VDR: variants seen among roughly 807,000 people sequenced by gnomAD.
VDR encodes vitamin D receptor.
A neutral mutation model predicts 39.7 loss-of-function variants in VDR; 19 were observed. The observed-to-expected ratio is 0.48, with a 90% confidence interval of 0.33 to 0.70. The LOEUF is 0.70. Among genes scored for constraint, VDR ranks in the 30% least tolerant of loss-of-function variants. The pLI is 0.02. For missense variants in VDR, 442 were observed against 570.5 expected (o/e 0.77, Z 2.29); for synonymous variants, 242 against 215.8 (o/e 1.12, Z -1.07).
At chr12:47,856,618 T>TC (rs1172330795) in intron 6 of VDR, among the ~76,000 whole-genome samples, 6 of 149,540 alleles carry the variant, frequency 4.0e-5, no homozygotes, top group African/African-American at 1.5e-4. Flanking sequence ...ATATGTGTTT[T>TC]TTTTAAAAAA....
intron 1 of VDR, among the ~76,000 whole-genome samples, chr12:47,890,379 A>ATATATATTATGTATGTAATATATATTT (rs1946346546): frequency 8.9e-6 from 1 of 111,916 alleles, no homozygotes; most frequent in African/African-American, 1.0e-4. Context: ...TATATATTTT[A>ATATATATTATGTATGTAATATATATTT]TATATATATA....
chr12:47,886,544 A>G (rs1946257924), intron 1 of VDR, among the ~76,000 whole-genome samples: 1 of 152,230 alleles, frequency 6.6e-6, no homozygotes. Context: ...CTGTATAAAT[A>G]GAACATATCC....
chr12:47,870,693 C>G (rs577400247), intron 3 of VDR, among the ~76,000 whole-genome samples: 1 of 152,180 alleles, frequency 6.6e-6, no homozygotes, highest in East Asian at 1.9e-4. Flanking sequence ...CAGAGACGCA[C>G]GTTGCATAAC....
chr12:47,844,484 G>T lies in VDR; in HGVS notation c.*262C>A, dbSNP rs1945233457. The T allele has an allele frequency of 6.8e-6, 4 of 589,730 alleles. No individual in the cohort carries two copies. In the Admixed American group the frequency reaches 1.2e-4, roughly 18 times the overall value. The allele number at this position is 589,730 out of a possible 1,614,324, so 36.5% of individuals were successfully genotyped here. ...GGGCAAGGCCCTGCCTCCAGCCTCT[G>T]CCCTCTGCCCCCACTTGGGTTTCTT... is the stretch of plus-strand genomic sequence containing the variant. On this transcript the variant is annotated 3_prime_UTR_variant, in exon 10 of 10. Coordinates refer to ENST00000549336, the MANE Select transcript of VDR (RefSeq NM_000376.3).
chr12:47,878,077 C>T (rs1420276358), intron 3 of VDR, among the ~76,000 whole-genome samples: 1 of 152,204 alleles, frequency 6.6e-6, no homozygotes, highest in Non-Finnish European at 1.5e-5. Flanking sequence ...TAGACAACAA[C>T]CAAGCCGACC....
Position 47,857,549 on chromosome 12 carries a change from G to A in VDR, c.417C>T (p.His139=), listed in dbSNP as rs763410148. ...QRIIAILLDA[H]HKTYDPTYSD... is the part of the protein sequence containing the mutation. ...AGTAGGTGGGGTCGTAGGTCTTATG[G>A]TGGGCGTCCAGCAGTATGGCAATGA... Residue 139 remains histidine (H), a synonymous_variant, in exon 5 of 10, where the codon CAC becomes CAT. Transcript: ENST00000549336. The A allele has an allele frequency of 2.5e-6, 4 of 1,614,196 alleles. No individual in the cohort carries two copies. The highest frequency in any genetic ancestry group is 1.7e-6 in the Non-Finnish European group (2 of 1,180,046).
chr12:47,869,400 T>G (rs1018889457), intron 3 of VDR, among the ~76,000 whole-genome samples: 70 of 151,874 alleles, frequency 4.6e-4, no homozygotes, highest in African/African-American at 1.4e-3. Context: ...GCCGGGCGTG[T>G]TGGCGGGCGC....
At chr12:47,891,432 G>A (rs984445614) in intron 1 of VDR, among the ~76,000 whole-genome samples, 10 of 152,278 alleles carry the variant, frequency 6.6e-5, no homozygotes, top group East Asian at 1.9e-4. Flanking sequence ...CTTCAGGCCC[G>A]AGAGAGGTGC....
intron 4 of VDR, among the ~76,000 whole-genome samples, chr12:47,863,787 A>T (rs1945671929): frequency 6.6e-6 from 1 of 152,106 alleles, no homozygotes; most frequent in Non-Finnish European, 1.5e-5. Flanking sequence ...AGGAGGGAGG[A>T]GTCATGACCC....
chr12:47,855,530 AAAT>A (rs1212944080), intron 7 of VDR, 97 bp downstream of exon 7: 75 of 1,433,642 alleles, frequency 5.2e-5, no homozygotes, highest in South Asian at 3.2e-4. Context: ...AAAAAATAAA[AAAT>A]AAAAAAAAGA....
At chr12:47,845,941 G>A (rs1037673247) in intron 9 of VDR, among the ~76,000 whole-genome samples, 4 of 152,190 alleles carry the variant, frequency 2.6e-5, no homozygotes, top group Admixed American at 2.6e-4. Context: ...AACTATATAG[G>A]CAGAACCATC....
chr12:47,852,240 C>A (rs555560577), intron 7 of VDR, among the ~76,000 whole-genome samples: 1 of 152,356 alleles, frequency 6.6e-6, no homozygotes, highest in Admixed American at 6.5e-5. Context: ...CTCTGTCCTA[C>A]TCCCCACTAG....
chr12:47,890,355 T>C (rs1451033403), intron 1 of VDR, among the ~76,000 whole-genome samples: 2 of 143,540 alleles, frequency 1.4e-5, no homozygotes, highest in East Asian at 3.9e-4. Flanking sequence ...ATTTTATATA[T>C]ATTATGTATG....
intron 3 of VDR, among the ~76,000 whole-genome samples, chr12:47,871,672 C>A (rs1945883288): frequency 6.6e-6 from 1 of 152,046 alleles, no homozygotes; most frequent in Non-Finnish European, 1.5e-5. Flanking sequence ...ACCATGTTGG[C>A]CAGACTGGTC....
At chr12:47,851,882 T>C (rs940023444) in intron 7 of VDR, among the ~76,000 whole-genome samples, 1 of 152,188 alleles carries the variant, frequency 6.6e-6, no homozygotes, top group African/African-American at 2.4e-5. Flanking sequence ...GCTGGGCAGC[T>C]CCTGTACCTG....
At chr12:47,853,899 G>A (rs1945434280) in intron 7 of VDR, among the ~76,000 whole-genome samples, 1 of 152,022 alleles carries the variant, frequency 6.6e-6, no homozygotes, top group Non-Finnish European at 1.5e-5. Context: ...TCCAGCCTAG[G>A]TGAAAAGAGC....
intron 1 of VDR, among the ~76,000 whole-genome samples, chr12:47,894,430 C>T (rs1003889545): frequency 1.3e-5 from 2 of 152,240 alleles, no homozygotes; most frequent in South Asian, 2.1e-4. Context: ...CCCATTTCCT[C>T]TGACTGGGCT....
At chr12:47,868,625 G>A (rs1193862153) in intron 3 of VDR, among the ~76,000 whole-genome samples, 2 of 152,196 alleles carry the variant, frequency 1.3e-5, no homozygotes, top group African/African-American at 4.8e-5. Context: ...TCCAGGACAT[G>A]AGATTGGTGT....
At chr12:47,870,708 G>A (rs752096456) in intron 3 of VDR, among the ~76,000 whole-genome samples, 5 of 152,160 alleles carry the variant, frequency 3.3e-5, no homozygotes, top group East Asian at 1.9e-4. Flanking sequence ...CATAACCCAG[G>A]CGTAGGGTCA....
Sources: gnomAD v4.1 joint callset for allele counts (sites outside exome capture counted in the v4.1 genomes callset) on GRCh38, gnomAD v4.1.1 for gene constraint, MANE v1.5 for transcripts, NCBI Gene and HGNC (gene_info 2026-07-23, HGNC 2026-07-21) for gene names.